Variants in RBPJ observed in about 807,000 individuals in gnomAD.
RBPJ encodes the protein recombining binding protein suppressor of hairless.
In RBPJ, 9 loss-of-function variants were observed where a neutral mutation model predicts 67.8. The ratio of observed to expected loss-of-function variants is 0.13; its 90% CI spans 0.08 to 0.23. The LOEUF (loss-of-function observed/expected upper bound fraction) is 0.23. Ranked by LOEUF, RBPJ falls within the 10% of genes least tolerant of loss-of-function variation. The pLI is 1.00. For synonymous variants in RBPJ, 198 were observed against 203.3 expected (o/e 0.97, Z 0.22); for missense variants, 305 against 595.6 (o/e 0.51, Z 5.08).
chr4:26,232,645 TAAC>T (rs746398501), intron 1 of RBPJ, among the ~76,000 whole-genome samples: 11 of 152,348 alleles, frequency 7.2e-5, no homozygotes, highest in Middle Eastern at 3.4e-3. Flanking sequence ...CTCTTCTCTA[TAAC>T]AACAACAACG....
intron 1 of RBPJ, among the ~76,000 whole-genome samples, chr4:26,175,239 C>G (rs1033439718): frequency 1.4e-4 from 22 of 152,194 alleles, no homozygotes; most frequent in African/African-American, 5.1e-4. Flanking sequence ...AGCTCCCCGC[C>G]TGGAATTCGG....
At chr4:26,423,345 T>A (rs774291674) in intron 5 of RBPJ, among the ~76,000 whole-genome samples, 1 of 152,166 alleles carries the variant, frequency 6.6e-6, no homozygotes, top group Non-Finnish European at 1.5e-5. Flanking sequence ...TGATCATAGA[T>A]CCAGAGTGGG....
chr4:26,402,337 G>A (rs1033383738), intron 2 of RBPJ, among the ~76,000 whole-genome samples: 1 of 152,170 alleles, frequency 6.6e-6, no homozygotes, highest in African/African-American at 2.4e-5. Context: ...ATGTTAGTGG[G>A]AATCGGCACC....
chr4:26,372,311 C>G (rs1011474596), intron 1 of RBPJ, among the ~76,000 whole-genome samples: 2 of 152,306 alleles, frequency 1.3e-5, no homozygotes, highest in Non-Finnish European at 2.9e-5. Flanking sequence ...ACAGTAGAGA[C>G]ACCACATGAC....
At chr4:26,275,165 G>C (rs1721036823) in intron 1 of RBPJ, among the ~76,000 whole-genome samples, 1 of 152,178 alleles carries the variant, frequency 6.6e-6, no homozygotes, top group Non-Finnish European at 1.5e-5. Context: ...CTTACCCAAG[G>C]TCACACAGAG....
chr4:26,181,432 C>T (rs1009206550), intron 1 of RBPJ, among the ~76,000 whole-genome samples: 1 of 152,232 alleles, frequency 6.6e-6, no homozygotes, highest in Admixed American at 6.5e-5. Flanking sequence ...CGATAGCCTT[C>T]CTCCCTCTCC....
the RBPJ span, among the ~76,000 whole-genome samples, chr4:26,133,639 A>G: frequency 6.6e-6 from 1 of 152,188 alleles, no homozygotes; most frequent in Non-Finnish European, 1.5e-5. Context: ...TGAACCCTAT[A>G]GGGAACTGCA....
chr4:26,162,717 C>T (rs545430347), upstream of RBPJ, among the ~76,000 whole-genome samples: 57 of 152,326 alleles, frequency 3.7e-4, no homozygotes, highest in East Asian at 9.6e-4. Flanking sequence ...AGTCAGGCTC[C>T]GAGCACATGT....
the RBPJ span, chr4:26,113,070 G>A: frequency 5.9e-6 from 1 of 169,030 alleles, no homozygotes; most frequent in African/African-American, 2.4e-5. Flanking sequence ...GAGAATCTTT[G>A]TGAATGCAAT....
At chr4:26,414,203 A>C (rs778763998) in intron 3 of RBPJ, among the ~76,000 whole-genome samples, 9 of 151,746 alleles carry the variant, frequency 5.9e-5, no homozygotes, top group South Asian at 2.1e-4. Context: ...ACAGAGTCTC[A>C]CTCTAACCCA....
At chr4:26,205,754 G>A (rs1718146892) in intron 1 of RBPJ, among the ~76,000 whole-genome samples, 1 of 151,898 alleles carries the variant, frequency 6.6e-6, no homozygotes, top group African/African-American at 2.4e-5. Flanking sequence ...TACCACTCCT[G>A]GCTAATTTTT....
intron 2 of RBPJ, among the ~76,000 whole-genome samples, chr4:26,390,424 C>T (rs926896265): frequency 6.6e-6 from 1 of 152,030 alleles, no homozygotes; most frequent in Non-Finnish European, 1.5e-5. Context: ...AAATGAAAGA[C>T]GTCTTGATGG....
intron 1 of RBPJ, among the ~76,000 whole-genome samples, chr4:26,229,106 A>T (rs1719186663): frequency 6.6e-6 from 1 of 152,216 alleles, no homozygotes. Context: ...GAGAAATTAA[A>T]ACCCCAAGTT....
chr4:26,412,380 C>T (rs60115690), intron 3 of RBPJ, among the ~76,000 whole-genome samples: 14,183 of 151,880 alleles, frequency 0.093, 842 homozygotes, highest in East Asian at 0.3. Context: ...TACAGGCGTG[C>T]GCCACCATGC....
upstream of RBPJ, among the ~76,000 whole-genome samples, chr4:26,316,431 A>G (rs761817989): frequency 3.1e-5 from 4 of 128,540 alleles, no homozygotes; most frequent in Admixed American, 1.5e-4. Flanking sequence ...ATACATTCAT[A>G]TATACATTCA....
chr4:26,360,199 G>C (rs1727889946), intron 1 of RBPJ, among the ~76,000 whole-genome samples: 1 of 152,046 alleles, frequency 6.6e-6, no homozygotes, highest in Non-Finnish European at 1.5e-5. Flanking sequence ...ATGGAAAATT[G>C]GATATACCAA....
At chr4:26,202,855 G>A (rs1305125063) in intron 1 of RBPJ, among the ~76,000 whole-genome samples, 1 of 151,152 alleles carries the variant, frequency 6.6e-6, no homozygotes, top group Admixed American at 6.6e-5. Flanking sequence ...GTTGCAGTGA[G>A]CTGAGATCAC....
the RBPJ span, among the ~76,000 whole-genome samples, chr4:26,153,622 G>A: frequency 1.2e-4 from 18 of 152,192 alleles, no homozygotes; most frequent in African/African-American, 4.3e-4. Context: ...TTTGTCTTAG[G>A]GGGTCTCTCT....
At chr4:26,346,456 T>C (rs946508777) in intron 1 of RBPJ, among the ~76,000 whole-genome samples, 1 of 152,158 alleles carries the variant, frequency 6.6e-6, no homozygotes, top group African/African-American at 2.4e-5. Context: ...TCTTATCTAC[T>C]CCTTACTGTA....
Sources: gnomAD v4.1 joint callset for allele counts (sites outside exome capture counted in the v4.1 genomes callset) on GRCh38, gnomAD v4.1.1 for gene constraint, MANE v1.5 for transcripts, NCBI Gene and HGNC (gene_info 2026-07-23, HGNC 2026-07-21) for gene names.